The following SH3RF3 variants were observed in gnomAD, a reference collection of about 807,000 sequenced individuals.
SH3RF3 encodes SH3 domain containing ring finger 3, also known as E3 ubiquitin-protein ligase SH3RF3.
SH3RF3 carries 29 observed loss-of-function variants against 66.3 expected under a neutral mutation model. The observed-to-expected ratio is 0.44, with a 90% confidence interval of 0.33 to 0.60. SH3RF3 has a LOEUF of 0.60. SH3RF3 is among the 20% of genes least tolerant of loss of function. The pLI, the probability that SH3RF3 is intolerant of heterozygous loss-of-function variation, is 0.04. For synonymous variants in SH3RF3, 583 were observed against 532.0 expected, an observed-to-expected ratio of 1.10 and a Z score of -1.32; for missense variants, 1,194 against 1,190.9, an observed-to-expected ratio of 1.00 and a Z score of -0.04.
At chr2:109,426,963 A>T (rs994286198) in intron 5 of SH3RF3, among the ~76,000 whole-genome samples, 3 of 113,528 alleles carry the variant, frequency 2.6e-5, no homozygotes, top group East Asian at 2.3e-4. Flanking sequence ...AGGGCAATAA[A>T]ATATATATAT....
At chr2:109,280,799 C>T (rs913137012) in intron 1 of SH3RF3, among the ~76,000 whole-genome samples, 15 of 152,224 alleles carry the variant, frequency 9.9e-5, no homozygotes, top group Middle Eastern at 3.2e-3. Context: ...TTTCTCTCTT[C>T]ATTTATTGAG....
At position 109,371,596 on chromosome 2, in the gene SH3RF3, T is replaced by C. The variant is rs756062414; in HGVS notation, c.860T>C (p.Leu287Pro). The change falls in exon 3 of 10, where the codon CTG (leucine) becomes CCG (proline). Residue 287 changes from leucine to proline, a missense_variant. Leu to Pro is a moderately conservative substitution (Grantham distance 98). Coordinates refer to ENST00000309415, the MANE Select transcript of SH3RF3 (RefSeq NM_001099289.3). ...GACCCGGAACTGCAGGACGAGATTCTGACGGTGCTCAGGAGAGTGGATGAG... is the reference window on the plus strand; with the variant it reads ...GACCCGGAACTGCAGGACGAGATTCCGACGGTGCTCAGGAGAGTGGATGAG... ...DCLTFTKDEI[L>P]TVLRRVDENW... 6.2e-7 allele frequency: 1 copy of C among 1,614,012 alleles called. No homozygotes were observed. Among genetic ancestry groups the C allele is most frequent in the South Asian group, 1.1e-5 (1 of 91,048 alleles).
At chr2:109,161,264 T>C (rs1677483048) in intron 1 of SH3RF3, among the ~76,000 whole-genome samples, 2 of 152,036 alleles carry the variant, frequency 1.3e-5, no homozygotes, top group Non-Finnish European at 2.9e-5. Flanking sequence ...AGTGATGAGT[T>C]GAGTTTAGTT....
intron 1 of SH3RF3, among the ~76,000 whole-genome samples, chr2:109,172,808 A>G (rs889995492): frequency 9.9e-5 from 15 of 152,254 alleles, no homozygotes; most frequent in Non-Finnish European, 1.8e-4. Context: ...TAAGTTTCCC[A>G]GTGCCAGCAC....
chr2:109,475,830 C>T (rs1056898268), intron 8 of SH3RF3, among the ~76,000 whole-genome samples: 7 of 152,192 alleles, frequency 4.6e-5, no homozygotes, highest in Non-Finnish European at 7.4e-5. Flanking sequence ...CACTCTGGGG[C>T]CTGGCTGCCT....
At chr2:109,153,488 C>T (rs920271532) in intron 1 of SH3RF3, among the ~76,000 whole-genome samples, 13 of 152,080 alleles carry the variant, frequency 8.5e-5, no homozygotes, top group Middle Eastern at 3.2e-3. Flanking sequence ...TGAAACTTGC[C>T]AGGAGAAATA....
At chr2:109,262,862 T>A (rs1438656119) in intron 1 of SH3RF3, among the ~76,000 whole-genome samples, 1 of 152,156 alleles carries the variant, frequency 6.6e-6, no homozygotes, top group African/African-American at 2.4e-5. Flanking sequence ...AGACAGAGTC[T>A]TCCTCTGTTG....
intron 1 of SH3RF3, among the ~76,000 whole-genome samples, chr2:109,140,255 TC>T (rs1278408271): frequency 7.2e-5 from 11 of 152,242 alleles, no homozygotes; most frequent in Non-Finnish European, 1.5e-4. Flanking sequence ...TTCTCTCTCT[TC>T]CTGAGATCAG....
chr2:109,353,606 C>T (rs984067352), intron 2 of SH3RF3, among the ~76,000 whole-genome samples: 1 of 152,164 alleles, frequency 6.6e-6, no homozygotes, highest in Non-Finnish European at 1.5e-5. Flanking sequence ...GGCAGGCCTG[C>T]TGGGTGAGAG....
intron 2 of SH3RF3, 35 bp from the exon 3 acceptor site, chr2:109,371,551 G>T (rs367691678): frequency 6.3e-7 from 1 of 1,576,520 alleles, no homozygotes; most frequent in Non-Finnish European, 8.7e-7. Context: ...GTGTGTGTCC[G>T]TATGCTTGTG....
At chr2:109,418,084 C>T (rs1676772700) in intron 4 of SH3RF3, among the ~76,000 whole-genome samples, 1 of 152,082 alleles carries the variant, frequency 6.6e-6, no homozygotes, top group African/African-American at 2.4e-5. Flanking sequence ...GCACCTTCCC[C>T]ATTCAGAGCC....
At chr2:109,418,933 C>T (rs1439918931) in intron 4 of SH3RF3, among the ~76,000 whole-genome samples, 7 of 152,138 alleles carry the variant, frequency 4.6e-5, no homozygotes, top group East Asian at 3.9e-4. Flanking sequence ...ATTCCTCCCT[C>T]GGCCCCCCCA....
chr2:109,228,328 T>A (rs1313293873), intron 1 of SH3RF3, among the ~76,000 whole-genome samples: 1 of 152,226 alleles, frequency 6.6e-6, no homozygotes, highest in Non-Finnish European at 1.5e-5. Context: ...GTAGACAGCA[T>A]CTCTGTTAGT....
chr2:109,252,479 T>C (rs779405174), intron 1 of SH3RF3, among the ~76,000 whole-genome samples: 1 of 152,182 alleles, frequency 6.6e-6, no homozygotes, highest in South Asian at 2.1e-4. Context: ...TATCATGGGT[T>C]GATCAGCCGT....
intron 1 of SH3RF3, among the ~76,000 whole-genome samples, chr2:109,227,971 G>A (rs1679410753): frequency 6.6e-6 from 1 of 152,156 alleles, no homozygotes; most frequent in Non-Finnish European, 1.5e-5. Flanking sequence ...GGCTCAAGGG[G>A]CATGGGATTT....
At chr2:109,231,161 G>A (rs917796461) in intron 1 of SH3RF3, among the ~76,000 whole-genome samples, 2 of 152,246 alleles carry the variant, frequency 1.3e-5, no homozygotes, top group African/African-American at 4.8e-5. Flanking sequence ...TCCTCCCGGA[G>A]CCAGGCCAGA....
At chr2:109,320,215 C>T (rs1647238640) in intron 1 of SH3RF3, among the ~76,000 whole-genome samples, 1 of 152,188 alleles carries the variant, frequency 6.6e-6, no homozygotes, top group Non-Finnish European at 1.5e-5. Context: ...CTCATTGACT[C>T]TAATTCCATT....
At chr2:109,168,077 T>C (rs1677672566) in intron 1 of SH3RF3, among the ~76,000 whole-genome samples, 1 of 152,226 alleles carries the variant, frequency 6.6e-6, no homozygotes, top group Admixed American at 6.5e-5. Flanking sequence ...AATGAAATCA[T>C]CCTACACACC....
chr2:109,183,186 T>A (rs868863433), intron 1 of SH3RF3, among the ~76,000 whole-genome samples: 1 of 152,370 alleles, frequency 6.6e-6, no homozygotes, highest in African/African-American at 2.4e-5. Flanking sequence ...CCTTCTGGGT[T>A]AATTACTGAA....
Sources: gnomAD v4.1 joint callset for allele counts (sites outside exome capture counted in the v4.1 genomes callset) on GRCh38, gnomAD v4.1.1 for gene constraint, MANE v1.5 for transcripts, NCBI Gene and HGNC (gene_info 2026-07-23, HGNC 2026-07-21) for gene names.